The following NLRP13 variants were observed in gnomAD, a reference collection of about 807,000 sequenced individuals.
The protein encoded by NLRP13 is NLR family pyrin domain containing 13.
NLRP13 carries 82 observed loss-of-function variants against 94.4 expected under a neutral mutation model. The ratio of observed to expected loss-of-function variants is 0.87; its 90% CI spans 0.73 to 1.04. NLRP13 has a LOEUF of 1.04. Ranked by LOEUF, NLRP13 falls within the 50% of genes least tolerant of loss-of-function variation. The probability of loss-of-function intolerance (pLI) is 0.00; values close to 1 mark genes in which losing one functional copy is unlikely to be tolerated. For missense variants in NLRP13, 1,426 were observed against 1,230.8 expected (o/e 1.16, Z -2.37); for synonymous variants, 553 against 464.7 (o/e 1.19, Z -2.45).
At chr19:55,922,918 AGAG>A (rs1283861545) in intron 4 of NLRP13, among the ~76,000 whole-genome samples, 2 of 152,192 alleles carry the variant, frequency 1.3e-5, no homozygotes, top group African/African-American at 4.8e-5. Flanking sequence ...GTAGCCCCAA[AGAG>A]TAGTGGGTGG....
downstream of NLRP13, among the ~76,000 whole-genome samples, chr19:55,895,199 A>T (rs1329323347): frequency 1.9e-4 from 1 of 5,186 alleles, no homozygotes; most frequent in African/African-American, 6.9e-3. Context: ...AAAGTATGTT[A>T]AAAAAAAAAA....
chr19:55,906,337 C>CAAAA (rs71182931), intron 7 of NLRP13, among the ~76,000 whole-genome samples: 701 of 60,952 alleles, frequency 0.012, 78 homozygotes, highest in African/African-American at 0.048. Context: ...GACTCCATCT[C>CAAAA]AAAAAAAAAA....
intron 5 of NLRP13, among the ~76,000 whole-genome samples, 160 bp from the exon 6 acceptor site, chr19:55,910,893 G>A (rs564271730): frequency 6.6e-6 from 1 of 152,276 alleles, no homozygotes; most frequent in East Asian, 1.9e-4. Flanking sequence ...CACCACTTTG[G>A]GAGACCGTCG....
chr19:55,900,775 T>TCAA, intron 9 of NLRP13, among the ~76,000 whole-genome samples: 1 of 134,222 alleles, frequency 7.5e-6, no homozygotes, highest in East Asian at 2.2e-4. Flanking sequence ...GACTCCATCT[T>TCAA]AAAAAAAAAA....
At chr19:55,922,169 C>G (rs1332689394) in intron 4 of NLRP13, among the ~76,000 whole-genome samples, 1 of 152,018 alleles carries the variant, frequency 6.6e-6, no homozygotes, top group African/African-American at 2.4e-5. Flanking sequence ...AGGGAAAGAT[C>G]CACCCCATGA....
At chr19:55,927,756 G>C (rs1309595413) in intron 1 of NLRP13, among the ~76,000 whole-genome samples, 1 of 152,140 alleles carries the variant, frequency 6.6e-6, no homozygotes, top group African/African-American at 2.4e-5. Context: ...TAGAAATGTA[G>C]AGGTTGGAAC....
intron 1 of NLRP13, among the ~76,000 whole-genome samples, chr19:55,930,831 G>A (rs982993809): frequency 2.5e-5 from 3 of 118,398 alleles, no homozygotes; most frequent in Admixed American, 8.0e-5. Flanking sequence ...CAGATTACAT[G>A]GTGCACTAAG....
chr19:55,902,794 A>C (rs1355277836), intron 8 of NLRP13, among the ~76,000 whole-genome samples: 1 of 151,420 alleles, frequency 6.6e-6, no homozygotes, highest in African/African-American at 2.4e-5. Context: ...ATGTAGTTAC[A>C]TAATAGTATA....
intron 4 of NLRP13, among the ~76,000 whole-genome samples, chr19:55,921,540 T>A (rs963510295): frequency 6.6e-6 from 1 of 152,190 alleles, no homozygotes; most frequent in African/African-American, 2.4e-5. Context: ...GAAGCCTAGA[T>A]TTCTGTCAAC....
At chr19:55,911,155 A>C (rs1352088097) in intron 5 of NLRP13, among the ~76,000 whole-genome samples, 1 of 152,232 alleles carries the variant, frequency 6.6e-6, no homozygotes, top group Non-Finnish European at 1.5e-5. Context: ...AGATGAGCAA[A>C]GGAAAATGTC....
chr19:55,932,314 T>G lies in NLRP13; in HGVS notation c.-3A>C. On this transcript the variant is annotated 5_prime_UTR_variant, in exon 1 of 11. Transcript: ENST00000342929. ...CAGGTGATTACAGAAAAGTTCATCT[T>G]GCCCAACACATGCAGTTTCTCACTT... 1 of 1,599,790 alleles carries G rather than the reference T, an allele frequency of 6.3e-7. No individual in the cohort carries two copies. Among genetic ancestry groups the G allele is most frequent in the Non-Finnish European group, 8.5e-7 (1 of 1,176,676 alleles).
chr19:55,906,102 C>G (rs74495164), intron 7 of NLRP13, among the ~76,000 whole-genome samples: 1,825 of 152,086 alleles, frequency 0.012, 33 homozygotes, highest in African/African-American at 0.042. Context: ...CCTTGGGAGG[C>G]CAAGGCGAGT....
rs115939294 is a variant in NLRP13 at position 55,904,428 on chromosome 19, C to T, written c.2618+514G>A. Among the ~76,000 whole-genome samples, 964 of 152,240 alleles carry T rather than the reference C, an allele frequency of 6.3e-3. 10 individuals are homozygous for T. The highest frequency in any genetic ancestry group is 0.022 in the African/African-American group (929 of 41,530). On this transcript the variant is annotated intron_variant, in intron 8 of 10. Transcript: ENST00000342929. ...CACTCTGCTGTTCCTTCTCCGCATA[C>T]GGCTGCCTCCCCCTTGCTTCATCTG... is the stretch of plus-strand genomic sequence containing the variant.
downstream of NLRP13, among the ~76,000 whole-genome samples, chr19:55,895,732 C>T (rs942997981): frequency 6.6e-6 from 1 of 152,166 alleles, no homozygotes; most frequent in African/African-American, 2.4e-5. Flanking sequence ...CCCAGTCACA[C>T]TAACCATGTT....
intron 2 of NLRP13, 24 bp downstream of exon 2, chr19:55,924,943 A>G (rs769643489): frequency 1.2e-6 from 2 of 1,601,420 alleles, no homozygotes; most frequent in South Asian, 1.1e-5. Flanking sequence ...CCTGTCCATT[A>G]TCAACTTAAA....
At chr19:55,917,840 G>A (rs1209445711) in intron 4 of NLRP13, among the ~76,000 whole-genome samples, 4 of 151,956 alleles carry the variant, frequency 2.6e-5, no homozygotes, top group Non-Finnish European at 5.9e-5. Flanking sequence ...CCCACTGACA[G>A]CACTAGACAG....
intron 1 of NLRP13, 148 bp downstream of exon 1, chr19:55,931,845 C>G: frequency 1.4e-6 from 1 of 717,208 alleles, no homozygotes; most frequent in Non-Finnish European, 2.3e-6. Context: ...GCCTTTATGC[C>G]TTTAAACATC....
chr19:55,895,160 C>T (rs1600255124), downstream of NLRP13, among the ~76,000 whole-genome samples: 2 of 147,866 alleles, frequency 1.4e-5, no homozygotes, highest in African/African-American at 5.0e-5. Context: ...GGGAGGCGGG[C>T]CAACATGGTG....
chr19:55,928,853 C>A (rs1363262025), intron 1 of NLRP13, among the ~76,000 whole-genome samples: 1 of 152,084 alleles, frequency 6.6e-6, no homozygotes, highest in Non-Finnish European at 1.5e-5. Context: ...GTACAGGCAA[C>A]CTGCAGAATG....
Sources: gnomAD v4.1 joint callset for allele counts (sites outside exome capture counted in the v4.1 genomes callset) on GRCh38, gnomAD v4.1.1 for gene constraint, MANE v1.5 for transcripts, NCBI Gene and HGNC (gene_info 2026-07-23, HGNC 2026-07-21) for gene names.